The following RPN2 variants were observed in gnomAD, a reference collection of about 807,000 sequenced individuals.
RPN2 encodes the protein dolichyl-diphosphooligosaccharide--protein glycosyltransferase subunit 2.
RPN2 carries 29 observed loss-of-function variants against 71.4 expected under a neutral mutation model. The ratio of observed to expected loss-of-function variants is 0.41; its 90% CI spans 0.30 to 0.55. The LOEUF (loss-of-function observed/expected upper bound fraction) is 0.55, where lower values mean the gene tolerates loss of function less well. RPN2 is among the 20% of genes least tolerant of loss of function. RPN2 has a pLI of 0.35. For synonymous variants in RPN2, 308 were observed against 305.0 expected (o/e 1.01, Z -0.10); for missense variants, 726 against 774.1 (o/e 0.94, Z 0.74).
chr20:37,186,243 G>C (rs2067007097), intron 2 of RPN2, among the ~76,000 whole-genome samples: 1 of 152,146 alleles, frequency 6.6e-6, no homozygotes, highest in South Asian at 2.1e-4. Flanking sequence ...AATTATACCT[G>C]CAAAATCACT....
At position 37,210,190 on chromosome 20, in the gene RPN2, G is replaced by A. The variant is rs938181373; in HGVS notation, c.986+25G>A. Reference sequence around the variant, plus strand: ...GGTAAGTCCTGATCATATTTTGGTGGGGCGCTGACCTCTTTGTTTTGGAAA... The same window carrying A: ...GGTAAGTCCTGATCATATTTTGGTGAGGCGCTGACCTCTTTGTTTTGGAAA... On this transcript the variant is annotated intron_variant, in intron 8 of 16. Coordinates refer to ENST00000237530, the MANE Select transcript of RPN2 (RefSeq NM_002951.5). The A allele has an allele frequency of 1.9e-6, 3 of 1,611,974 alleles. No homozygotes were observed. In the South Asian group the frequency reaches 3.3e-5, roughly 18 times the overall value.
chr20:37,237,432 G>A (rs1360038713), intron 16 of RPN2, among the ~76,000 whole-genome samples: 1 of 152,196 alleles, frequency 6.6e-6, no homozygotes, highest in African/African-American at 2.4e-5. Context: ...TCTGGAAATC[G>A]TTTTCAGATG....
intron 14 of RPN2, among the ~76,000 whole-genome samples, chr20:37,232,704 G>A (rs761013): frequency 0.74 from 112,462 of 152,016 alleles, 42,056 homozygotes; most frequent in Middle Eastern, 0.85. Flanking sequence ...AGCGAGATCC[G>A]ATGCTGGTAG....
At chr20:37,222,310 A>G (rs2067978781) in intron 9 of RPN2, among the ~76,000 whole-genome samples, 2 of 152,146 alleles carry the variant, frequency 1.3e-5, no homozygotes, top group Admixed American at 6.5e-5. Context: ...ATGATCCTAA[A>G]TATAGTTCTG....
intron 14 of RPN2, 47 bp downstream of exon 14, chr20:37,232,438 C>A: frequency 6.3e-7 from 1 of 1,598,488 alleles, no homozygotes; most frequent in Non-Finnish European, 8.6e-7. Context: ...GGCGCCAGAC[C>A]CAGCAGATGC....
Position 37,204,859 on chromosome 20 carries a change from C to T in RPN2, c.648C>T (p.Tyr216=). 2 of 1,614,164 alleles carry T rather than the reference C, an allele frequency of 1.2e-6. No homozygotes were observed. Among genetic ancestry groups the T allele is most frequent in the African/African-American group, 1.3e-5 (1 of 75,038 alleles). ...CAGCGTTATTTGTGGCTGCCACCTA[C>T]AAGCTCATGGATCATGTGGGGACTG... ...ETTALFVAAT[Y]KLMDHVGTEP... is the part of the protein sequence containing the mutation. Residue 216 remains tyrosine (Y), a synonymous_variant, in exon 6 of 17, where the codon TAC becomes TAT. Transcript: ENST00000237530.
rs116240215 is a variant in RPN2, at chr20:37,199,387, A to G, written c.479+162A>G. 2.7e-3 allele frequency among the ~76,000 whole-genome samples: 405 copies of G among 152,360 alleles called. 5 individuals are homozygous for G. The highest frequency in any genetic ancestry group is 9.5e-3 in the African/African-American group (394 of 41,594). ...AGGCACCGCAGACATGATTGCATGA[A>G]GGCAAGTAAGGTCCGTGTCCTCGTG... On this transcript the variant is annotated intron_variant, in intron 4 of 16. Transcript: ENST00000237530.
At chr20:37,208,954 A>G (rs1321482532) in intron 7 of RPN2, among the ~76,000 whole-genome samples, 1 of 152,088 alleles carries the variant, frequency 6.6e-6, no homozygotes, top group Non-Finnish European at 1.5e-5. Flanking sequence ...CAACTCATAT[A>G]CCCTCAACAA....
In RPN2 at chr20:37,241,287, C is replaced by G. The variant is rs377604984; in HGVS notation, c.1884-16C>G. 30 of 1,612,310 alleles carry G rather than the reference C, an allele frequency of 1.9e-5. No individual in the cohort carries two copies. The highest frequency in any genetic ancestry group is 2.4e-5 in the Non-Finnish European group (28 of 1,179,036). ...AAACCTTCAGTAATTCTGTGTTTGT[C>G]TCCATTTTCTTTCAGAACAGCACAT... On this transcript the variant is annotated splice_polypyrimidine_tract_variant and intron_variant, in intron 16 of 16. Coordinates refer to ENST00000237530, the MANE Select transcript of RPN2 (RefSeq NM_002951.5).
chr20:37,232,730 C>G (rs1028063258), intron 14 of RPN2, among the ~76,000 whole-genome samples: 1 of 152,116 alleles, frequency 6.6e-6, no homozygotes, highest in African/African-American at 2.4e-5. Context: ...AAAAACAGCA[C>G]AAAGGCTGTG....
At chr20:37,232,915 T>C (rs1298139569) in intron 14 of RPN2, among the ~76,000 whole-genome samples, 2 of 152,152 alleles carry the variant, frequency 1.3e-5, no homozygotes, top group African/African-American at 2.4e-5. Flanking sequence ...TATGATCCTC[T>C]GTAAAGTTTT....
chr20:37,179,973 T>A (rs1396863324), intron 1 of RPN2, among the ~76,000 whole-genome samples: 1 of 152,238 alleles, frequency 6.6e-6, no homozygotes, highest in African/African-American at 2.4e-5. Context: ...GTTATCTGCC[T>A]CGTTGAGTTG....
chr20:37,237,165 C>T (rs531331792), intron 16 of RPN2, among the ~76,000 whole-genome samples: 20 of 152,086 alleles, frequency 1.3e-4, no homozygotes, highest in Non-Finnish European at 5.9e-5. Context: ...GAAGCTGCAG[C>T]AGGTTTTGCA....
At chr20:37,190,208 G>A (rs1898982946) in intron 2 of RPN2, among the ~76,000 whole-genome samples, 1 of 152,174 alleles carries the variant, frequency 6.6e-6, no homozygotes, top group South Asian at 2.1e-4. Context: ...TTCTATAGGA[G>A]ATTTAGGTTG....
intron 1 of RPN2, among the ~76,000 whole-genome samples, chr20:37,182,353 C>T (rs1349365075): frequency 6.6e-6 from 1 of 152,138 alleles, no homozygotes; most frequent in African/African-American, 2.4e-5. Flanking sequence ...CTCGGCCTCC[C>T]AAAGTGCTGG....
chr20:37,238,385 C>G (rs769936944), intron 16 of RPN2: 5 of 1,601,640 alleles, frequency 3.1e-6, no homozygotes, highest in South Asian at 1.1e-5. Flanking sequence ...ATTCTCAAAC[C>G]CTCTTTCCTT....
rs1600718140 is a variant in RPN2, at chr20:37,179,441, C to T, written c.13+72C>T. 9 of 1,445,756 alleles carry T rather than the reference C, an allele frequency of 6.2e-6. No individual in the cohort carries two copies. In the East Asian group the frequency reaches 2.1e-4, roughly 34 times the overall value. The allele number at this position is 1,445,756 out of a possible 1,614,324, so 89.6% of individuals were successfully genotyped here. A position where few individuals can be genotyped will look rare whatever the true frequency, so the allele number is the denominator to read the frequency against. On this transcript the variant is annotated intron_variant, in intron 1 of 16. Transcript: ENST00000237530. ...AGGTTACTAGTCGCCGCTCGAGAGC[C>T]GGCCAGGCGGGATCCCCTTCCCCTG...
chr20:37,196,734 A>T (rs1001379133), intron 2 of RPN2, among the ~76,000 whole-genome samples: 1 of 152,144 alleles, frequency 6.6e-6, no homozygotes, highest in Non-Finnish European at 1.5e-5. Context: ...GCTGAATTTT[A>T]TATTACTTCA....
chr20:37,203,941 G>A lies in RPN2; in HGVS notation c.536G>A (p.Ser179Asn), dbSNP rs770311226. The stretch of plus-strand genomic sequence containing the variant: ...CTGTCCCAGCAGGCTGACCTGAGGA[G>A]CATCGTGGAGGAGATTGAGGTGTGA... The part of the protein sequence containing the change: ...SHLSQQADLR[S>N]IVEEIEDLVA... Residue 179 changes from serine (S) to asparagine (N), a missense_variant, in exon 5 of 17, where the codon AGC (serine) becomes AAC (asparagine). Transcript: ENST00000237530. 5.0e-6 allele frequency: 8 copies of A among 1,613,746 alleles called. No individual in the cohort carries two copies. The highest frequency in any genetic ancestry group is 1.7e-5 in the Admixed American group (1 of 60,030).
Sources: allele counts gnomAD v4.1 joint callset (sites outside exome capture counted in the v4.1 genomes callset), GRCh38; gene constraint gnomAD v4.1.1; transcripts MANE v1.5; gene names NCBI Gene and HGNC (gene_info 2026-07-23, HGNC 2026-07-21).